The following AHCTF1 variants were observed in gnomAD, a reference collection of about 807,000 sequenced individuals.
AHCTF1 encodes the protein AT-hook containing transcription factor 1.
A neutral mutation model predicts 248.4 loss-of-function variants in AHCTF1; 24 were observed. The ratio of observed to expected loss-of-function variants is 0.10; its 90% confidence interval spans 0.07 to 0.14. The LOEUF (loss-of-function observed/expected upper bound fraction) is 0.14, where lower values mean the gene tolerates loss of function less well. Among genes scored for constraint, AHCTF1 ranks in the 10% least tolerant of loss-of-function variants. The probability of loss-of-function intolerance (pLI) is 1.00; values close to 1 mark genes in which losing one functional copy is unlikely to be tolerated. For missense variants in AHCTF1, 2,206 were observed against 2,636.2 expected (o/e 0.84, Z 3.57); for synonymous variants, 786 against 929.8 (o/e 0.85, Z 2.81).
At chr1:246,893,728 A>G (rs1350827822) in intron 14 of AHCTF1, among the ~76,000 whole-genome samples, 2 of 152,258 alleles carry the variant, frequency 1.3e-5, no homozygotes, top group Non-Finnish European at 2.9e-5. Context: ...TATGTTAAAT[A>G]GAAAGTGAGT....
chr1:246,860,197 G>C (rs61226215), intron 29 of AHCTF1, among the ~76,000 whole-genome samples: 6,591 of 145,182 alleles, frequency 0.045, 256 homozygotes, highest in African/African-American at 0.1. Flanking sequence ...TTGGGGGGGG[G>C]GCGGAGGTTG....
At chr1:246,914,392 A>C (rs943463866) in intron 3 of AHCTF1, among the ~76,000 whole-genome samples, 6 of 152,212 alleles carry the variant, frequency 3.9e-5, no homozygotes, top group African/African-American at 1.2e-4. Context: ...ATGTGTTAAA[A>C]AGACTAAAAG....
At position 246,899,957 on chromosome 1, in the gene AHCTF1, C is replaced by T. The variant is rs1359746421; in HGVS notation, c.1432+108G>A. On this transcript the variant is annotated intron_variant, in intron 10 of 35. Coordinates refer to ENST00000648844, the MANE Select transcript of AHCTF1 (RefSeq NM_001323342.2). The stretch of plus-strand genomic sequence containing the variant: ...CCTAAGTTATCCATATGTTAACTAA[C>T]AGTGAGATACAAACAGATAACACTA... 6 of 1,077,706 alleles carry T rather than the reference C, an allele frequency of 5.6e-6. No individual in the cohort carries two copies. In the East Asian group the frequency reaches 1.3e-4, roughly 23 times the overall value. 66.8% of individuals were successfully genotyped at this position (1,077,706 alleles called of 1,614,324 possible). A position where few individuals can be genotyped will look rare whatever the true frequency, so the allele number is the denominator to read the frequency against.
At chr1:246,925,839 G>A (rs1388702067) in intron 1 of AHCTF1, among the ~76,000 whole-genome samples, 1 of 152,048 alleles carries the variant, frequency 6.6e-6, no homozygotes, top group Non-Finnish European at 1.5e-5. Flanking sequence ...GGAGGCTGAG[G>A]CAGGCAGACT....
rs1464549217 is a variant in AHCTF1 at position 246,849,933 on chromosome 1, G to A, written c.6073C>T (p.Pro2025Ser). 6.2e-7 allele frequency: 1 copy of A among 1,613,952 alleles called. No homozygotes were observed. ...ACTAAAATGGATTTTCCTAAAGCTG[G>A]TTTTCCAACATCAACATTTTCACTT... ...AKSENVDVGK[P>S]ALGKSILVPN... Residue 2025 changes from proline to serine, a missense_variant, in exon 33 of 36, where the codon CCA (proline) becomes TCA (serine). Around this residue, in one of 6 missense-constraint regions of AHCTF1, gnomAD observed 469 missense variants for 470.0 expected, o/e 1.00. Transcript: ENST00000648844.
chr1:246,867,869 A>G (rs1216479743), intron 24 of AHCTF1, 58 bp from the exon 25 acceptor site: 7 of 1,399,284 alleles, frequency 5.0e-6, no homozygotes, highest in Non-Finnish European at 5.9e-6. Flanking sequence ...AATTTAATAA[A>G]AGCATATGAA....
At chr1:246,866,902 G>T (rs2379094) in intron 26 of AHCTF1, among the ~76,000 whole-genome samples, 4,525 of 152,126 alleles carry the variant, frequency 0.03, 245 homozygotes, top group African/African-American at 0.1. Flanking sequence ...AAGCTTCAAT[G>T]AGCTACCCAA....
intron 4 of AHCTF1, among the ~76,000 whole-genome samples, chr1:246,911,285 C>G (rs558884765): frequency 1.3e-5 from 2 of 152,186 alleles, no homozygotes; most frequent in South Asian, 2.1e-4. Context: ...GAAACAAAAG[C>G]CTATCAAGCC....
At chr1:246,876,666 T>C (rs1662989910) in intron 23 of AHCTF1, among the ~76,000 whole-genome samples, 1 of 152,216 alleles carries the variant, frequency 6.6e-6, no homozygotes, top group African/African-American at 2.4e-5. Flanking sequence ...ATGATCTTTG[T>C]ACTATGTAAC....
intron 21 of AHCTF1, 138 bp from the exon 22 acceptor site, chr1:246,877,440 T>C: frequency 1.1e-6 from 1 of 926,022 alleles, no homozygotes; most frequent in Non-Finnish European, 1.5e-6. Context: ...AAAAATTTGT[T>C]GAATACTAAG....
At chr1:246,892,301 CTTTTTTTTTTTTTTTT>C (rs74163502) in intron 14 of AHCTF1, among the ~76,000 whole-genome samples, 9 of 64,976 alleles carry the variant, frequency 1.4e-4, no homozygotes, top group Non-Finnish European at 1.9e-4. Flanking sequence ...ATTTGTTTTA[CTTTTTTTTTTTTTTTT>C]TTTTTTTTTT....
Position 246,840,904 on chromosome 1 carries a change from G to C in AHCTF1, c.6703C>G (p.Pro2235Ala), listed in dbSNP as rs773488271. 1.2e-6 allele frequency: 2 copies of C among 1,612,906 alleles called. No individual in the cohort carries two copies. Residue 2235 changes from proline to alanine, a missense_variant, in exon 36 of 36, where the codon CCA becomes GCA. By Grantham distance (27) the Pro-to-Ala change is conservative (BLOSUM62 -1). Transcript: ENST00000648844. The part of the protein sequence containing the change: ...ASPADGVKSK[P>A]RKTTEVTGTG... ...CCTGTCACTTCTGTAGTTTTTCTTG[G>C]TTTGCTCTTGACTCCGTCAGCTGGG...
At position 246,890,005 on chromosome 1, in the gene AHCTF1, T is replaced by A; in HGVS notation, c.2105A>T (p.Tyr702Phe). The change falls in exon 17 of 36, where the codon TAC (tyrosine) becomes TTC (phenylalanine). Residue 702 changes from tyrosine to phenylalanine, a missense_variant. This residue lies in a region of AHCTF1 where 650 missense variants were observed against 870.8 expected (regional missense o/e 0.75). Coordinates refer to ENST00000648844, the MANE Select transcript of AHCTF1 (RefSeq NM_001323342.2). ...LCYNYPVIQN[Y>F]YTSRRQKFER... is the part of the protein sequence containing the mutation. ...AAACTTCTGTCGACGACTGGTGTAG[T>A]AGTTCTGAATTACAGGGTAGTTGTA... 6.2e-7 allele frequency: 1 copy of A among 1,612,902 alleles called. No individual in the cohort carries two copies. Among genetic ancestry groups the A allele is most frequent in the Non-Finnish European group, 8.5e-7 (1 of 1,179,530 alleles).
intron 1 of AHCTF1, chr1:246,931,192 G>A (rs2103270893): frequency 6.5e-7 from 1 of 1,550,148 alleles, no homozygotes; most frequent in South Asian, 1.2e-5. Flanking sequence ...CACGCCGGCC[G>A]CTTCCCTCGG....
At chr1:246,854,198 C>T (rs924986118) in intron 31 of AHCTF1, among the ~76,000 whole-genome samples, 2 of 151,200 alleles carry the variant, frequency 1.3e-5, no homozygotes, top group African/African-American at 4.9e-5. Flanking sequence ...ACTCGGGAGA[C>T]TGAGGCAGGA....
At chr1:246,903,794 C>A (rs1665183526) in intron 7 of AHCTF1, among the ~76,000 whole-genome samples, 155 bp downstream of exon 7, 1 of 148,382 alleles carries the variant, frequency 6.7e-6, no homozygotes, top group South Asian at 2.1e-4. Flanking sequence ...GCCAAGATTG[C>A]ACCACTGCAC....
chr1:246,855,683 A>G, intron 31 of AHCTF1, 47 bp downstream of exon 31: 1 of 1,483,882 alleles, frequency 6.7e-7, no homozygotes, highest in South Asian at 1.2e-5. Context: ...CTCTTCACTC[A>G]AAACACAAAA....
intron 33 of AHCTF1, among the ~76,000 whole-genome samples, chr1:246,847,172 C>T (rs1405090874): frequency 6.6e-6 from 1 of 151,774 alleles, no homozygotes; most frequent in Non-Finnish European, 1.5e-5. Context: ...ACCTGTAATC[C>T]CAGCTACTGG....
chr1:246,923,457 T>C (rs1666718576), intron 1 of AHCTF1, among the ~76,000 whole-genome samples: 2 of 152,040 alleles, frequency 1.3e-5, no homozygotes, highest in African/African-American at 2.4e-5. Flanking sequence ...AAAATAATTA[T>C]AATAACTGAA....
Sources: allele counts gnomAD v4.1 joint callset (sites outside exome capture counted in the v4.1 genomes callset), GRCh38; gene constraint gnomAD v4.1.1; regional missense constraint gnomAD v4.1.1; transcripts MANE v1.5; gene names NCBI Gene and HGNC (gene_info 2026-07-23, HGNC 2026-07-21).